ADAMTSL3: variants seen among roughly 807,000 people sequenced by gnomAD.
The protein encoded by ADAMTSL3 is ADAMTS-like protein 3.
In ADAMTSL3, 128 loss-of-function variants were observed where a neutral mutation model predicts 201.7. The ratio of observed to expected loss-of-function variants is 0.63; its 90% CI spans 0.55 to 0.73. The LOEUF is 0.73. ADAMTSL3 is among the 30% of genes least tolerant of loss of function. The pLI, the probability that ADAMTSL3 is intolerant of heterozygous loss-of-function variation, is 0.00. For synonymous variants in ADAMTSL3, 738 were observed against 748.4 expected, an observed-to-expected ratio of 0.99 and a Z score of 0.23; for missense variants, 1,990 against 2,119.6, an observed-to-expected ratio of 0.94 and a Z score of 1.20.
In ADAMTSL3 at chr15:83,838,135, A is replaced by G. The variant is rs2064311519; in HGVS notation, c.647A>G (p.Asn216Ser). ...CTGGGAAGCAATGCCAAGGAGGACA[A>G]CTGTGGAGTCTGTGCCGGCGATGGC... is the stretch of plus-strand genomic sequence containing the variant. ...RQLGSNAKED[N>S]CGVCAGDGST... The change falls in exon 7 of 30, where the codon AAC (asparagine) becomes AGC (serine). Residue 216 changes from asparagine to serine, a missense_variant. Transcript: ENST00000286744. The G allele has an allele frequency of 1.9e-6, 3 of 1,613,294 alleles. No individual in the cohort carries two copies. The highest frequency in any genetic ancestry group is 3.3e-5 in the Admixed American group (2 of 59,854).
intron 26 of ADAMTSL3, among the ~76,000 whole-genome samples, chr15:84,022,287 G>A (rs928549950): frequency 3.9e-5 from 6 of 152,092 alleles, no homozygotes; most frequent in African/African-American, 7.2e-5. Flanking sequence ...CCTCTCTGGA[G>A]TACTTTGTCC....
chr15:83,857,088 AT>A (rs1050159608), intron 7 of ADAMTSL3, among the ~76,000 whole-genome samples: 1 of 152,018 alleles, frequency 6.6e-6, no homozygotes, highest in African/African-American at 2.4e-5. Flanking sequence ...GATACTGAGC[AT>A]TTTCATGTGC....
chr15:83,893,789 T>C (rs936948208), intron 13 of ADAMTSL3, among the ~76,000 whole-genome samples: 4 of 152,162 alleles, frequency 2.6e-5, no homozygotes, highest in Admixed American at 2.6e-4. Context: ...ACAAATAAAA[T>C]GCAGCCGGAT....
At chr15:83,704,185 G>A (rs143425974) in intron 2 of ADAMTSL3, among the ~76,000 whole-genome samples, 4 of 152,178 alleles carry the variant, frequency 2.6e-5, no homozygotes, top group Non-Finnish European at 4.4e-5. Flanking sequence ...AGTTTGATTC[G>A]GGCCACTGTG....
chr15:83,933,840 A>G (rs1367297300), intron 17 of ADAMTSL3, among the ~76,000 whole-genome samples: 1 of 152,220 alleles, frequency 6.6e-6, no homozygotes, highest in Admixed American at 6.5e-5. Context: ...CAGAGGGTGC[A>G]AGCCCCAAGC....
intron 7 of ADAMTSL3, 145 bp from the exon 8 acceptor site, chr15:83,858,621 C>T (rs1443075175): frequency 1.7e-6 from 1 of 584,214 alleles, no homozygotes; most frequent in Non-Finnish European, 3.0e-6. Flanking sequence ...GATCTGCCTG[C>T]CTTGGCCTCC....
At chr15:83,810,977 G>C (rs928241010) in intron 5 of ADAMTSL3, among the ~76,000 whole-genome samples, 1 of 152,074 alleles carries the variant, frequency 6.6e-6, no homozygotes, top group Non-Finnish European at 1.5e-5. Context: ...GACCTCAAGT[G>C]ATCCGCCCAC....
chr15:83,698,396 C>G (rs1201630902), intron 2 of ADAMTSL3, among the ~76,000 whole-genome samples: 1 of 152,094 alleles, frequency 6.6e-6, no homozygotes, highest in African/African-American at 2.4e-5. Context: ...ATTCATAGTC[C>G]CTGGAGGTGC....
chr15:83,948,393 A>G lies in ADAMTSL3; in HGVS notation c.2490+5311A>G, dbSNP rs1184136544. 2.1e-5 allele frequency among the ~76,000 whole-genome samples: 3 copies of G among 143,614 alleles called. No homozygotes were observed. The Admixed American group carries it at 2.2e-4, about 10-fold the overall frequency. The allele number at this position is 143,614 out of a possible 152,430, so 94.2% of individuals were successfully genotyped here. A position where few individuals can be genotyped will look rare whatever the true frequency, so the allele number is the denominator to read the frequency against. On this transcript the variant is annotated intron_variant, in intron 19 of 29. Coordinates refer to ENST00000286744, the MANE Select transcript of ADAMTSL3 (RefSeq NM_207517.3). ...GTTTTGAAACATTTACCAGCACACAAGTGCACAAAAGCTTATTTACACACA... is the reference window on the plus strand; with the variant it reads ...GTTTTGAAACATTTACCAGCACACAGGTGCACAAAAGCTTATTTACACACA...
At chr15:83,801,578 A>G (rs1213529032) in intron 4 of ADAMTSL3, among the ~76,000 whole-genome samples, 1 of 145,038 alleles carries the variant, frequency 6.9e-6, no homozygotes, top group African/African-American at 2.5e-5. Context: ...GTGTGGAGGA[A>G]TATCTGTAGA....
chr15:83,996,993 A>G (rs2067699152), intron 23 of ADAMTSL3, among the ~76,000 whole-genome samples: 1 of 152,144 alleles, frequency 6.6e-6, no homozygotes, highest in African/African-American at 2.4e-5. Flanking sequence ...GGTTGGCAAG[A>G]GCATGGAGAA....
chr15:83,866,221 A>G (rs916741838), intron 8 of ADAMTSL3, among the ~76,000 whole-genome samples: 5 of 152,236 alleles, frequency 3.3e-5, no homozygotes, highest in African/African-American at 1.2e-4. Flanking sequence ...AGGATCTAGA[A>G]CTAGAAATAC....
At chr15:83,660,056 AG>A (rs1449903838) in intron 2 of ADAMTSL3, among the ~76,000 whole-genome samples, 2 of 152,212 alleles carry the variant, frequency 1.3e-5, no homozygotes, top group Non-Finnish European at 2.9e-5. Context: ...AAACTAATAC[AG>A]GATGTCAGGG....
chr15:83,734,747 C>T (rs575095496), intron 3 of ADAMTSL3, among the ~76,000 whole-genome samples: 2 of 152,272 alleles, frequency 1.3e-5, no homozygotes, highest in Non-Finnish European at 2.9e-5. Context: ...CCTTTTTAGA[C>T]CCCAGAGGAC....
intron 4 of ADAMTSL3, among the ~76,000 whole-genome samples, chr15:83,785,624 G>A (rs537000342): frequency 1.3e-5 from 2 of 152,226 alleles, no homozygotes; most frequent in African/African-American, 4.8e-5. Flanking sequence ...GGCACATGGT[G>A]ACCAACTTTT....
intron 10 of ADAMTSL3, among the ~76,000 whole-genome samples, chr15:83,889,255 A>C (rs981496948): frequency 6.6e-6 from 1 of 152,154 alleles, no homozygotes; most frequent in African/African-American, 2.4e-5. Flanking sequence ...ACGGGGATGG[A>C]TTTTGTTCCT....
chr15:83,696,592 G>T (rs2061691270), intron 2 of ADAMTSL3, among the ~76,000 whole-genome samples: 1 of 152,212 alleles, frequency 6.6e-6, no homozygotes. Context: ...TGTGTCGTCT[G>T]TCAGTGTAGA....
At chr15:83,902,740 C>A (rs1329095612) in intron 15 of ADAMTSL3, among the ~76,000 whole-genome samples, 1 of 152,148 alleles carries the variant, frequency 6.6e-6, no homozygotes, top group Non-Finnish European at 1.5e-5. Context: ...ATGCTCCAGC[C>A]ACACTGACTT....
intron 17 of ADAMTSL3, among the ~76,000 whole-genome samples, chr15:83,941,277 G>T (rs2066555110): frequency 6.6e-6 from 1 of 151,658 alleles, no homozygotes; most frequent in Non-Finnish European, 1.5e-5. Flanking sequence ...CAAGTAGGAG[G>T]TGTTTATAAT....
Sources: gnomAD v4.1 joint callset for allele counts (sites outside exome capture counted in the v4.1 genomes callset) on GRCh38, gnomAD v4.1.1 for gene constraint, MANE v1.5 for transcripts, NCBI Gene and HGNC (gene_info 2026-07-23, HGNC 2026-07-21) for gene names.